The following MAP3K12 variants were observed in gnomAD, a reference collection of about 807,000 sequenced individuals.
The protein encoded by MAP3K12 is mitogen-activated protein kinase kinase kinase 12.
MAP3K12 carries 14 observed loss-of-function variants against 87.5 expected under a neutral mutation model. That is an observed-to-expected ratio of 0.16 (90% CI 0.11 to 0.25). The LOEUF (loss-of-function observed/expected upper bound fraction) is 0.25. Among genes scored for constraint, MAP3K12 ranks in the 10% least tolerant of loss-of-function variants. The probability of loss-of-function intolerance (pLI) is 1.00; values close to 1 mark genes in which losing one functional copy is unlikely to be tolerated. For missense variants in MAP3K12, 802 were observed against 1,140.4 expected (o/e 0.70, Z 4.27); for synonymous variants, 469 against 452.5 (o/e 1.04, Z -0.46).
At position 53,482,309 on chromosome 12, in the gene MAP3K12, A is replaced by AT. The variant is rs1943079618; in HGVS notation, c.2298dup (p.Ser767IlefsTer32). The stretch of plus-strand genomic sequence containing the variant: ...AATGCCATCACTTACCTCTGGCTTG[A>AT]TGTCAGCTCTACTTCACTGTCTACC... On this transcript the variant is annotated frameshift_variant, in exon 12 of 14. Coordinates refer to ENST00000547488, the MANE Select transcript of MAP3K12 (RefSeq NM_001193511.2). LOFTEE classifies it high-confidence loss of function. 6.2e-7 allele frequency: 1 copy of AT among 1,613,952 alleles called. No homozygotes were observed. Among genetic ancestry groups the AT allele is most frequent in the Non-Finnish European group, 8.5e-7 (1 of 1,180,022 alleles).
upstream of MAP3K12, chr12:53,501,121 A>G (rs1022829268): frequency 1.9e-6 from 1 of 519,802 alleles, no homozygotes; most frequent in Non-Finnish European, 3.5e-6. Context: ...ATTACAAACA[A>G]AAAAATACGG....
intron 1 of MAP3K12, among the ~76,000 whole-genome samples, chr12:53,491,425 T>G (rs1369065780): frequency 6.6e-6 from 1 of 151,542 alleles, no homozygotes; most frequent in East Asian, 1.9e-4. Context: ...TTTTACAGAC[T>G]AAGGCATAGA....
chr12:53,489,356 C>G (rs936350038), intron 1 of MAP3K12, among the ~76,000 whole-genome samples: 1 of 152,160 alleles, frequency 6.6e-6, no homozygotes, highest in Non-Finnish European at 1.5e-5. Context: ...TGAATCCTGA[C>G]TTGCTTCTGC....
At position 53,486,175 on chromosome 12, in the gene MAP3K12, T is replaced by A; in HGVS notation, c.702A>T (p.Val234=). The A allele has an allele frequency of 1.2e-6, 2 of 1,614,148 alleles. No homozygotes were observed. The highest frequency in any genetic ancestry group is 1.7e-6 in the Non-Finnish European group (2 of 1,179,996). The change falls in exon 4 of 14, where the codon GTA becomes GTT. Residue 234 remains valine (V), a synonymous_variant. Transcript: ENST00000547488. This position sits in a 1 kb window ranked among gnomAD's most constrained non-coding sequence, Gnocchi z 4.9. ...GGGTGACAGGGCGGCCAGCCCGCAGTACCTCATACAGCTGGCCCTGGGCGC... is the reference window on the plus strand; with the variant it reads ...GGGTGACAGGGCGGCCAGCCCGCAGAACCTCATACAGCTGGCCCTGGGCGC... ...EFCAQGQLYE[V]LRAGRPVTPS...
intron 1 of MAP3K12, among the ~76,000 whole-genome samples, chr12:53,489,065 G>C (rs1484494932): frequency 1.6e-5 from 2 of 127,878 alleles, no homozygotes; most frequent in Non-Finnish European, 3.2e-5. Flanking sequence ...GGGCGACAGA[G>C]TGAAACTCTG....
chr12:53,482,027 G>GTGA lies in MAP3K12; in HGVS notation c.2493_2494insTCA (p.Ile831_Pro832insSer), dbSNP rs767650910. Reference sequence around the variant, plus strand: ...ACCTCTGAAGGAGGTGGGTCCAGTGGGATTTCTGAGCCCTGGGAGCACATG... The same window carrying GTGA: ...ACCTCTGAAGGAGGTGGGTCCAGTGGTGAGATTTCTGAGCCCTGGGAGCACATG... On this transcript the variant is annotated inframe_insertion, in exon 13 of 14. Coordinates refer to ENST00000547488, the MANE Select transcript of MAP3K12 (RefSeq NM_001193511.2). The GTGA allele has an allele frequency of 6.2e-7, 1 of 1,614,162 alleles. No homozygotes were observed. Among genetic ancestry groups the GTGA allele is most frequent in the South Asian group, 1.1e-5 (1 of 91,084 alleles).
rs774120524 is a variant in MAP3K12, at chr12:53,482,570, T to G, written c.2233A>C (p.Ser745Arg). 6.2e-7 allele frequency: 1 copy of G among 1,604,530 alleles called. No individual in the cohort carries two copies. The highest frequency in any genetic ancestry group is 8.5e-7 in the Non-Finnish European group (1 of 1,175,376). ...GGAGCCTTCCCATACTTTACCTGAC[T>G]TCGGGTGACGGCAGCCCTGTACAGC... ...ALLYRAAVTR[S>R]QKRGISSEEE... is the part of the protein sequence containing the mutation. The change falls in exon 11 of 14, where the codon AGT (serine) becomes CGT (arginine). Residue 745 changes from serine to arginine, a missense_variant. This residue lies in a region of MAP3K12 where 490 missense variants were observed against 496.6 expected (regional missense o/e 0.99). Transcript: ENST00000547488.
At position 53,483,901 on chromosome 12, in the gene MAP3K12, G is replaced by C. The variant is rs75961802; in HGVS notation, c.1358+10C>G. 4 of 1,611,928 alleles carry C rather than the reference G, an allele frequency of 2.5e-6. No homozygotes were observed. The highest frequency in any genetic ancestry group is 1.1e-5 in the South Asian group (1 of 91,052). ...TTAGTAAAATCACCTCCCCAAGCACGGGAACTCACCTGAGCTCCTCCCTCC... is the reference window on the plus strand; with the variant it reads ...TTAGTAAAATCACCTCCCCAAGCACCGGAACTCACCTGAGCTCCTCCCTCC... On this transcript the variant is annotated intron_variant, in intron 8 of 13. Transcript: ENST00000547488.
chr12:53,493,748 A>G (rs1327936137), intron 1 of MAP3K12: 8 of 152,162 alleles, frequency 5.3e-5, no homozygotes, highest in Admixed American at 5.2e-4. Flanking sequence ...TTTGACGACT[A>G]GGTGGTTTAG....
chr12:53,495,210 A>G (rs1368054558), intron 1 of MAP3K12, among the ~76,000 whole-genome samples: 21 of 150,366 alleles, frequency 1.4e-4, no homozygotes, highest in Admixed American at 4.6e-4. Context: ...GTGGTGGCGG[A>G]CGCCTGTAGT....
upstream of MAP3K12, chr12:53,500,548 A>T (rs1943660898): frequency 6.6e-6 from 1 of 152,512 alleles, no homozygotes; most frequent in South Asian, 2.1e-4. Context: ...GAGGTGAAGG[A>T]CGACCTAGGA....
chr12:53,496,277 T>C (rs952668702), intron 1 of MAP3K12, among the ~76,000 whole-genome samples: 1 of 152,164 alleles, frequency 6.6e-6, no homozygotes, highest in African/African-American at 2.4e-5. Context: ...GTCATTCCTC[T>C]ACCAGATCAC....
In MAP3K12 at chr12:53,479,675, T is replaced by TTTTTTTTTTTTTGTTTTG; in HGVS notation, c.*1506_*1507insCAAAACAAAAAAAAAAAA. ...AGTTTTATAAGCTTCTCCCTGGTTTTTTTTTTTTGGCTCATGAATTTTTCT... is the reference window on the plus strand; with the variant it reads ...AGTTTTATAAGCTTCTCCCTGGTTTTTTTTTTTTTTTTGTTTTGTTTTTTTTGGCTCATGAATTTTTCT... On this transcript the variant is annotated 3_prime_UTR_variant, in exon 14 of 14. Coordinates refer to ENST00000547488, the MANE Select transcript of MAP3K12 (RefSeq NM_001193511.2). 2.6e-5 allele frequency: 10 copies of TTTTTTTTTTTTTGTTTTG among 386,446 alleles called. No individual in the cohort carries two copies. Among genetic ancestry groups the TTTTTTTTTTTTTGTTTTG allele is most frequent in the Middle Eastern group, 6.8e-4 (1 of 1,464 alleles). 23.9% of individuals were successfully genotyped at this position (386,446 alleles called of 1,614,324 possible). A position where few individuals can be genotyped will look rare whatever the true frequency, so the allele number is the denominator to read the frequency against.
In MAP3K12 at chr12:53,490,997, G is replaced by A. The variant is rs529810399; in HGVS notation, c.-37-3569C>T. 6.6e-5 allele frequency among the ~76,000 whole-genome samples: 10 copies of A among 152,076 alleles called. 1 individual carries two copies. The highest frequency in any genetic ancestry group is 2.4e-4 in the African/African-American group (10 of 41,528). The stretch of plus-strand genomic sequence containing the variant: ...ACCCAATGATAATGGCTAACTTAAG[G>A]AAGGCTTACGGCTGGGCGTAGTGGC... On this transcript the variant is annotated intron_variant, in intron 1 of 13. Coordinates refer to ENST00000547488, the MANE Select transcript of MAP3K12 (RefSeq NM_001193511.2).
intron 1 of MAP3K12, among the ~76,000 whole-genome samples, chr12:53,498,908 CTGTGTGTGTGTGTGTGTG>C (rs71068135): frequency 3.1e-4 from 34 of 108,394 alleles, no homozygotes; most frequent in South Asian, 1.0e-3. Flanking sequence ...GTCCAGCCTG[CTGTGTGTGTGTGTGTGTG>C]TGTGTGTGTG....
chr12:53,491,301 A>AAAAAAAGAAAGAG (rs796169121), intron 1 of MAP3K12, among the ~76,000 whole-genome samples: 1 of 101,568 alleles, frequency 9.8e-6, no homozygotes, highest in African/African-American at 3.8e-5. Flanking sequence ...AAAAAAAAAA[A>AAAAAAAGAAAGAG]AAAAGAAAAG....
At chr12:53,488,584 C>T (rs770541730) in intron 1 of MAP3K12, among the ~76,000 whole-genome samples, 1 of 151,708 alleles carries the variant, frequency 6.6e-6, no homozygotes, top group African/African-American at 2.4e-5. Flanking sequence ...TTGCTTAAAC[C>T]CGGGAGGCTG....
chr12:53,486,934 G>A lies in MAP3K12; in HGVS notation c.445+13C>T. ...GGAAACAGAGAGGAGGCTCCCACAAGGACGTGGCCTACCTTCCTGCTGCTG... is the reference window on the plus strand; with the variant it reads ...GGAAACAGAGAGGAGGCTCCCACAAAGACGTGGCCTACCTTCCTGCTGCTG... On this transcript the variant is annotated intron_variant, in intron 2 of 13. Transcript: ENST00000547488. The surrounding 1 kb of genome is among the most constrained non-coding windows in gnomAD (Gnocchi z 4.9). The A allele has an allele frequency of 6.2e-7, 1 of 1,610,064 alleles. No individual in the cohort carries two copies. The highest frequency in any genetic ancestry group is 1.1e-5 in the South Asian group (1 of 91,030).
In MAP3K12 at chr12:53,481,249, TCA is replaced by T. The variant is rs1943027663; in HGVS notation, c.2610_2611del (p.Cys870Ter). 6.4e-7 allele frequency: 1 copy of T among 1,567,214 alleles called. No individual in the cohort carries two copies. The highest frequency in any genetic ancestry group is 1.4e-5 in the African/African-American group (1 of 72,078). On this transcript the variant is annotated stop_gained and frameshift_variant, in exon 14 of 14. Coordinates refer to ENST00000547488, the MANE Select transcript of MAP3K12 (RefSeq NM_001193511.2). LOFTEE classifies it high-confidence loss of function. ...GTTGGAGTTGTCCAATTCAGTGCTG[TCA>T]CAGTCTGAGTCCTCAGAATTGGGAG...
Sources: gnomAD v4.1 joint callset for allele counts (sites outside exome capture counted in the v4.1 genomes callset) on GRCh38, gnomAD v4.1.1 for gene constraint, gnomAD v4.1.1 regional missense constraint, Gnocchi (gnomAD v3.1) non-coding constraint, MANE v1.5 for transcripts, NCBI Gene and HGNC (gene_info 2026-07-23, HGNC 2026-07-21) for gene names.